PTBP3: variants seen among roughly 807,000 people sequenced by gnomAD.
The protein encoded by PTBP3 is polypyrimidine tract-binding protein 3.
In PTBP3, 20 loss-of-function variants were observed where a neutral mutation model predicts 58.7. The ratio of observed to expected loss-of-function variants is 0.34; its 90% CI spans 0.24 to 0.50. PTBP3 has a LOEUF of 0.50. Among genes scored for constraint, PTBP3 ranks in the 20% least tolerant of loss-of-function variants. The probability of loss-of-function intolerance (pLI) is 0.98; values close to 1 mark genes in which losing one functional copy is unlikely to be tolerated. For synonymous variants in PTBP3, 185 were observed against 219.8 expected (o/e 0.84, Z 1.40); for missense variants, 509 against 637.2 (o/e 0.80, Z 2.17).
chr9:112,298,303 C>G (rs1046106160), intron 1 of PTBP3, among the ~76,000 whole-genome samples: 1 of 152,104 alleles, frequency 6.6e-6, no homozygotes. Flanking sequence ...TCAATACCAA[C>G]GTATTTTTTT....
chr9:112,371,640 T>C, the PTBP3 span, among the ~76,000 whole-genome samples: 1 of 134,100 alleles, frequency 7.5e-6, no homozygotes, highest in Non-Finnish European at 1.5e-5. Context: ...GAGAAGTTTT[T>C]AGTAGATTTT....
chr9:112,324,163 G>A (rs959940091), intron 1 of PTBP3, among the ~76,000 whole-genome samples: 15 of 151,930 alleles, frequency 9.9e-5, no homozygotes, highest in African/African-American at 3.6e-4. Flanking sequence ...AGACAACCTA[G>A]AATTCTGTAT....
chr9:112,331,126 C>A (rs1382038084), intron 1 of PTBP3, among the ~76,000 whole-genome samples: 1 of 147,582 alleles, frequency 6.8e-6, no homozygotes, highest in Non-Finnish European at 1.5e-5. Context: ...CACACACACA[C>A]GAGAGACAGT....
At chr9:112,276,096 C>T in intron 2 of PTBP3, 83 bp from the exon 3 acceptor site, 1 of 1,313,726 alleles carries the variant, frequency 7.6e-7, no homozygotes. Flanking sequence ...CACATTTAAT[C>T]CTAAATGAGT....
chr9:112,360,664 C>T, the PTBP3 span, among the ~76,000 whole-genome samples: 97 of 152,204 alleles, frequency 6.4e-4, no homozygotes, highest in African/African-American at 2.0e-3. Context: ...ACTGGAGAAG[C>T]CTAAAACATC....
At chr9:112,228,316 AG>A (rs1335311893) in intron 11 of PTBP3, 63 bp downstream of exon 11, 1 of 1,183,402 alleles carries the variant, frequency 8.5e-7, no homozygotes, top group East Asian at 2.6e-5. Flanking sequence ...TGTATTTTGA[AG>A]GAAAATTCAC....
intron 10 of PTBP3, among the ~76,000 whole-genome samples, chr9:112,229,116 T>C: frequency 6.6e-6 from 1 of 152,256 alleles, no homozygotes; most frequent in East Asian, 1.9e-4. Flanking sequence ...TAAACCAATA[T>C]TAAAAAACTA....
intron 9 of PTBP3, among the ~76,000 whole-genome samples, chr9:112,231,828 A>G (rs1835212451): frequency 6.6e-6 from 1 of 151,810 alleles, no homozygotes; most frequent in East Asian, 1.9e-4. Flanking sequence ...GGATCACTTG[A>G]GCCCAGGAAG....
intron 2 of PTBP3, among the ~76,000 whole-genome samples, chr9:112,296,627 TATG>T (rs1223295569): frequency 3.3e-5 from 5 of 152,184 alleles, no homozygotes; most frequent in African/African-American, 1.2e-4. Context: ...GTCAACTGTG[TATG>T]ATACTATCAA....
At chr9:112,245,102 A>G (rs1835825806) in intron 7 of PTBP3, among the ~76,000 whole-genome samples, 1 of 152,166 alleles carries the variant, frequency 6.6e-6, no homozygotes, top group Admixed American at 6.5e-5. Flanking sequence ...TGAGGTCAGG[A>G]GTTCAAGACC....
At chr9:112,253,312 C>T (rs963832394) in intron 5 of PTBP3, among the ~76,000 whole-genome samples, 13 of 151,932 alleles carry the variant, frequency 8.6e-5, no homozygotes, top group African/African-American at 2.9e-4. Flanking sequence ...AGAAGTCTTA[C>T]GAATAAAAAT....
upstream of PTBP3, among the ~76,000 whole-genome samples, chr9:112,334,367 C>T (rs114777496): frequency 1.7e-3 from 264 of 152,196 alleles, no homozygotes; most frequent in African/African-American, 5.9e-3. Flanking sequence ...CTCATTATTC[C>T]CTTTTTTCAG....
chr9:112,269,495 T>C (rs1327395931), intron 3 of PTBP3, among the ~76,000 whole-genome samples: 1 of 152,172 alleles, frequency 6.6e-6, no homozygotes, highest in Non-Finnish European at 1.5e-5. Flanking sequence ...TTTACCAACA[T>C]ATGTGATAGC....
chr9:112,333,361 G>C, intron 1 of PTBP3, 109 bp downstream of exon 1: 2 of 1,262,928 alleles, frequency 1.6e-6, no homozygotes, highest in Non-Finnish European at 2.1e-6. Flanking sequence ...CCGCTCCTCC[G>C]GCCGCCGGCG....
chr9:112,239,037 A>C (rs1435309970), intron 7 of PTBP3, among the ~76,000 whole-genome samples: 3 of 152,218 alleles, frequency 2.0e-5, no homozygotes, highest in Non-Finnish European at 4.4e-5. Context: ...CAAATTGCCA[A>C]GACTAAAGTC....
intron 1 of PTBP3, among the ~76,000 whole-genome samples, chr9:112,304,172 G>GA (rs199511877): frequency 0.019 from 2,871 of 148,778 alleles, 44 homozygotes; most frequent in South Asian, 0.044. Context: ...GTCTTAGGAG[G>GA]AAAAAAAAAA....
intron 2 of PTBP3, among the ~76,000 whole-genome samples, chr9:112,277,921 C>T (rs13292575): frequency 6.1e-5 from 8 of 130,814 alleles, no homozygotes; most frequent in South Asian, 5.1e-4. Flanking sequence ...CATAACATAA[C>T]ATAACATAAC....
At chr9:112,236,621 C>T (rs1267013557) in intron 7 of PTBP3, among the ~76,000 whole-genome samples, 1 of 152,144 alleles carries the variant, frequency 6.6e-6, no homozygotes, top group Non-Finnish European at 1.5e-5. Flanking sequence ...TCACTTGCCC[C>T]CTTCTATATA....
At chr9:112,249,126 G>A (rs1589821368) in intron 7 of PTBP3, among the ~76,000 whole-genome samples, 1 of 152,182 alleles carries the variant, frequency 6.6e-6, no homozygotes, top group East Asian at 1.9e-4. Flanking sequence ...GATATATAAT[G>A]AGTGGTAAAA....
Sources: allele counts gnomAD v4.1 joint callset (sites outside exome capture counted in the v4.1 genomes callset), GRCh38; gene constraint gnomAD v4.1.1; transcripts MANE v1.5; gene names NCBI Gene and HGNC (gene_info 2026-07-23, HGNC 2026-07-21).